ROBO2: variants seen among roughly 807,000 people sequenced by gnomAD.
ROBO2 encodes roundabout guidance receptor 2, also known as roundabout homolog 2.
Under a neutral mutation model 160.8 loss-of-function variants are expected in ROBO2, and 53 were observed. That is an observed-to-expected ratio of 0.33 (90% CI 0.26 to 0.41). ROBO2 has a LOEUF of 0.41. Ranked by LOEUF, ROBO2 falls within the 10% of genes least tolerant of loss-of-function variation. The pLI is 1.00. For missense variants in ROBO2, 1,577 were observed against 1,722.4 expected (o/e 0.92, Z 1.49); for synonymous variants, 664 against 611.7 (o/e 1.09, Z -1.26).
intron 2 of ROBO2, among the ~76,000 whole-genome samples, chr3:77,382,362 T>TAA (rs138278147): frequency 0.28 from 41,004 of 148,964 alleles, 5,955 homozygotes; most frequent in Non-Finnish European, 0.32. Flanking sequence ...TTTTTTTTTT[T>TAA]AAAAAGTCTT....
At chr3:75,955,652 G>A (rs893142544) in intron 2 of ROBO2, among the ~76,000 whole-genome samples, 1 of 151,518 alleles carries the variant, frequency 6.6e-6, no homozygotes, top group Admixed American at 6.6e-5. Context: ...AAAAGATAAT[G>A]TTTGCAAAGA....
intron 2 of ROBO2, among the ~76,000 whole-genome samples, chr3:76,279,281 G>A (rs1015569165): frequency 6.6e-6 from 1 of 151,672 alleles, no homozygotes; most frequent in Non-Finnish European, 1.5e-5. Context: ...AAAAGAGCTT[G>A]TGTAGGTCTC....
In ROBO2 at chr3:77,546,324, C is replaced by G; in HGVS notation, c.935-14C>G. 1 of 1,612,558 alleles carries G rather than the reference C, an allele frequency of 6.2e-7. No individual in the cohort carries two copies. The highest frequency in any genetic ancestry group is 1.1e-5 in the South Asian group (1 of 91,058). ...GGTTGATATTTACACGCTTTCTTTT[C>G]TTTTAAATTATAGCTCCCCCACAGT... On this transcript the variant is annotated splice_polypyrimidine_tract_variant and intron_variant, in intron 6 of 25. Transcript: ENST00000461745.
intron 2 of ROBO2, among the ~76,000 whole-genome samples, chr3:75,957,701 GA>G (rs1485630028): frequency 4.0e-5 from 6 of 150,384 alleles, no homozygotes; most frequent in African/African-American, 1.5e-4. Context: ...ACATTACTAA[GA>G]GGGTTTTTTT....
chr3:76,860,835 G>A (rs1020362630), intron 2 of ROBO2, among the ~76,000 whole-genome samples: 8 of 152,040 alleles, frequency 5.3e-5, no homozygotes, highest in African/African-American at 1.7e-4. Context: ...TAAACAAGAC[G>A]CCTTTTCTCT....
intron 2 of ROBO2, among the ~76,000 whole-genome samples, chr3:77,130,586 A>T (rs942738272): frequency 6.6e-6 from 1 of 152,224 alleles, no homozygotes; most frequent in African/African-American, 2.4e-5. Context: ...GATATTTAGC[A>T]CAGGCATCAC....
intron 2 of ROBO2, among the ~76,000 whole-genome samples, chr3:76,234,465 A>G (rs570476364): frequency 1.3e-5 from 2 of 152,316 alleles, no homozygotes; most frequent in South Asian, 4.1e-4. Context: ...CAAAAACTAC[A>G]GTTAATTTTG....
rs1245185140 is a variant in ROBO2 at position 76,111,260 on chromosome 3, G to C, written c.109+173658G>C. 2.0e-5 allele frequency among the ~76,000 whole-genome samples: 3 copies of C among 152,010 alleles called. No individual in the cohort carries two copies. The South Asian group carries it at 6.2e-4, about 32-fold the overall frequency. On this transcript the variant is annotated intron_variant, in intron 2 of 26. Coordinates refer to the ROBO2 transcript ENST00000487694. ...CATGTGAGAACAGAGGCAGAGATTA[G>C]AGTGGTGCAGCTGCCAGCCAAGAAA...
chr3:77,612,996 T>C (rs1044685428), intron 21 of ROBO2, among the ~76,000 whole-genome samples: 15 of 152,154 alleles, frequency 9.9e-5, no homozygotes, highest in African/African-American at 3.6e-4. Flanking sequence ...TAACATTAAT[T>C]CTAGTTAATG....
At chr3:76,947,686 T>C (rs1458034776) in intron 2 of ROBO2, among the ~76,000 whole-genome samples, 1 of 151,708 alleles carries the variant, frequency 6.6e-6, no homozygotes, top group Middle Eastern at 3.2e-3. Flanking sequence ...CAATTTCAAA[T>C]TCCTGCAATC....
chr3:76,156,076 T>C (rs575357568), intron 2 of ROBO2, among the ~76,000 whole-genome samples: 2 of 151,534 alleles, frequency 1.3e-5, no homozygotes, highest in East Asian at 1.9e-4. Flanking sequence ...TCTATCATTT[T>C]TGACAATTTT....
intron 1 of ROBO2, among the ~76,000 whole-genome samples, chr3:77,070,094 A>G (rs773161799): frequency 5.9e-5 from 9 of 152,128 alleles, no homozygotes; most frequent in Non-Finnish European, 1.2e-4. Context: ...ATGGATTTCT[A>G]AGCCAAAGAA....
At chr3:77,215,810 C>T (rs1580073622) in intron 2 of ROBO2, among the ~76,000 whole-genome samples, 1 of 152,216 alleles carries the variant, frequency 6.6e-6, no homozygotes, top group African/African-American at 2.4e-5. Flanking sequence ...TCAGGACCCT[C>T]AGCTGCAGGT....
intron 2 of ROBO2, among the ~76,000 whole-genome samples, chr3:77,414,033 T>C (rs2077013069): frequency 6.6e-6 from 1 of 151,618 alleles, no homozygotes; most frequent in Non-Finnish European, 1.5e-5. Context: ...AGACTGAGCT[T>C]TGGATCAGTT....
At chr3:76,701,652 A>G (rs17839767) in intron 2 of ROBO2, among the ~76,000 whole-genome samples, 2,684 of 152,156 alleles carry the variant, frequency 0.018, 65 homozygotes, top group African/African-American at 0.051. Flanking sequence ...TTCACTACCC[A>G]AATCAATTCT....
At chr3:76,560,481 T>G (rs768337199) in intron 2 of ROBO2, among the ~76,000 whole-genome samples, 64 of 152,068 alleles carry the variant, frequency 4.2e-4, no homozygotes, top group Non-Finnish European at 8.2e-4. Flanking sequence ...CTCAGCACAG[T>G]GTCTGACACA....
At chr3:76,731,482 TG>T (rs1200310957) in intron 2 of ROBO2, among the ~76,000 whole-genome samples, 4 of 151,836 alleles carry the variant, frequency 2.6e-5, no homozygotes, top group African/African-American at 7.3e-5. Context: ...GGACACAAAA[TG>T]TTTTTTTTTT....
chr3:75,937,502 A>T, exon 2 of ROBO2: 2 of 1,567,358 alleles, frequency 1.3e-6, no homozygotes, highest in Non-Finnish European at 1.7e-6. Flanking sequence ...CAATGGCCAG[A>T]AGACATGAAC....
intron 2 of ROBO2, among the ~76,000 whole-genome samples, chr3:76,209,294 A>ATC (rs1702997884): frequency 6.6e-6 from 1 of 152,164 alleles, no homozygotes; most frequent in South Asian, 2.1e-4. Flanking sequence ...CCTTTGAATC[A>ATC]GTTGTAATAT....
Sources: allele counts gnomAD v4.1 joint callset (sites outside exome capture counted in the v4.1 genomes callset), GRCh38; gene constraint gnomAD v4.1.1; transcripts MANE v1.5; gene names NCBI Gene and HGNC (gene_info 2026-07-23, HGNC 2026-07-21).